Variants in ADAMTS9 observed in about 807,000 individuals in gnomAD.
ADAMTS9 encodes A disintegrin and metalloproteinase with thrombospondin motifs 9.
Under a neutral mutation model 257.1 loss-of-function variants are expected in ADAMTS9, and 107 were observed. That is an observed-to-expected ratio of 0.42 (90% CI 0.36 to 0.49). The LOEUF (loss-of-function observed/expected upper bound fraction) is 0.49, where lower values mean the gene tolerates loss of function less well. Ranked by LOEUF, ADAMTS9 falls within the 20% of genes least tolerant of loss-of-function variation. ADAMTS9 has a pLI of 0.03. For synonymous variants in ADAMTS9, 982 were observed against 880.9 expected, an observed-to-expected ratio of 1.11 and a Z score of -2.03; for missense variants, 2,353 against 2,469.1, an observed-to-expected ratio of 0.95 and a Z score of 1.00.
chr3:64,546,902 G>T lies in ADAMTS9; in HGVS notation c.4920C>A (p.Ser1640Arg). 1 of 1,613,862 alleles carries T rather than the reference G, an allele frequency of 6.2e-7. No individual in the cohort carries two copies. The highest frequency in any genetic ancestry group is 2.2e-5 in the East Asian group (1 of 44,862). ...AATTCTCCTTCCCGGTGTAAATCTC[G>T]CTGCACGAGACAAGCCTTTGTTTGT... ...KGYKQRLVSC[S>R]EIYTGKENYE... Residue 1640 changes from serine (S) to arginine (R), a missense_variant, in exon 32 of 40, where the codon AGC (serine) becomes AGA (arginine). Coordinates refer to ENST00000498707, the MANE Select transcript of ADAMTS9 (RefSeq NM_182920.2).
chr3:64,550,608 C>A, intron 31 of ADAMTS9: 1 of 389,782 alleles, frequency 2.6e-6, no homozygotes, highest in South Asian at 4.5e-5. Context: ...GAGTTTGCAG[C>A]CCCTGTAATA....
chr3:64,660,172 T>C (rs1201233368), intron 3 of ADAMTS9, among the ~76,000 whole-genome samples: 1 of 152,222 alleles, frequency 6.6e-6, no homozygotes, highest in Non-Finnish European at 1.5e-5. Flanking sequence ...GTTTGTGGTC[T>C]AAAATAGGCA....
chr3:64,636,522 A>G (rs1390315313), intron 12 of ADAMTS9, among the ~76,000 whole-genome samples: 1 of 152,250 alleles, frequency 6.6e-6, no homozygotes, highest in Non-Finnish European at 1.5e-5. Flanking sequence ...AAGCACTTGC[A>G]CAAAGTGTGG....
chr3:64,535,852 C>T (rs965539472), intron 37 of ADAMTS9, among the ~76,000 whole-genome samples: 2 of 151,978 alleles, frequency 1.3e-5, no homozygotes, highest in African/African-American at 4.8e-5. Flanking sequence ...ACCCCCTCCC[C>T]CCAAAATTTT....
At chr3:64,604,119 T>C (rs1296192514) in intron 24 of ADAMTS9, 30 bp from the exon 25 acceptor site, 1 of 1,612,640 alleles carries the variant, frequency 6.2e-7, no homozygotes, top group South Asian at 1.1e-5. Flanking sequence ...CATGCAGTTA[T>C]ATTACGTGGA....
chr3:64,607,101 G>A (rs201268959), intron 22 of ADAMTS9, 22 bp from the exon 23 acceptor site: 106 of 1,611,154 alleles, frequency 6.6e-5, no homozygotes, highest in Non-Finnish European at 7.2e-5. Context: ...AGGACAAAAG[G>A]TATATACAAT....
intron 6 of ADAMTS9, 59 bp from the exon 7 acceptor site, chr3:64,654,671 A>T (rs1015660534): frequency 6.3e-7 from 1 of 1,589,112 alleles, no homozygotes; most frequent in African/African-American, 1.3e-5. Flanking sequence ...CAATACAAGT[A>T]AATACTTTAG....
At chr3:64,586,529 A>G (rs1233388184) in intron 28 of ADAMTS9, among the ~76,000 whole-genome samples, 2 of 152,144 alleles carry the variant, frequency 1.3e-5, no homozygotes, top group African/African-American at 4.8e-5. Context: ...ACCATCTGTC[A>G]GATTATAATT....
intron 2 of ADAMTS9, among the ~76,000 whole-genome samples, chr3:64,684,431 T>C (rs1174636083): frequency 6.6e-6 from 1 of 152,116 alleles, no homozygotes; most frequent in Non-Finnish European, 1.5e-5. Flanking sequence ...TAGACTCTGG[T>C]AGACTCTTCA....
rs1281079386 is a variant in ADAMTS9 at position 64,687,402 on chromosome 3, G to A, written c.115+141C>T. 1 of 750,780 alleles carries A rather than the reference G, an allele frequency of 1.3e-6. No individual in the cohort carries two copies. Among genetic ancestry groups the A allele is most frequent in the Non-Finnish European group, 2.1e-6 (1 of 486,026 alleles). The allele number at this position is 750,780 out of a possible 1,614,324, so 46.5% of individuals were successfully genotyped here. On this transcript the variant is annotated intron_variant, in intron 1 of 39. Transcript: ENST00000498707. This position sits in a 1 kb window ranked among gnomAD's most constrained non-coding sequence, Gnocchi z 4.4. The stretch of plus-strand genomic sequence containing the variant: ...AGCAATTGGTTGGGGATGACCCAAA[G>A]AAGGGAGAGGCTGCAAAGCGGGAGA...
intron 39 of ADAMTS9, among the ~76,000 whole-genome samples, chr3:64,520,214 A>C (rs572608052): frequency 6.6e-6 from 1 of 152,170 alleles, no homozygotes; most frequent in Non-Finnish European, 1.5e-5. Context: ...AAAGAATAAA[A>C]TACCTAGGAA....
chr3:64,631,486 G>C lies in ADAMTS9; in HGVS notation c.2358C>G (p.Phe786Leu), dbSNP rs145243531. 25 of 1,614,104 alleles carry C rather than the reference G, an allele frequency of 1.5e-5. No homozygotes were observed. The African/African-American group carries it at 2.9e-4, about 19-fold the overall frequency. Residue 786 changes from phenylalanine to leucine, a missense_variant, in exon 16 of 40, where the codon TTC becomes TTG. Transcript: ENST00000498707. ...AGTTGTCATCGTCTGTTTCCCCTGA[G>C]AAACTGTGCTGCCGCACATCAATAT... ...ATNIDVRQHS[F>L]SGETDDDNYL...
chr3:64,640,542 A>T (rs1700611720), intron 12 of ADAMTS9, among the ~76,000 whole-genome samples: 1 of 152,250 alleles, frequency 6.6e-6, no homozygotes, highest in Non-Finnish European at 1.5e-5. Flanking sequence ...GCTATTAAAA[A>T]TAAATGAGAC....
At chr3:64,646,500 A>G (rs981372723) in intron 11 of ADAMTS9, among the ~76,000 whole-genome samples, 1 of 152,192 alleles carries the variant, frequency 6.6e-6, no homozygotes, top group African/African-American at 2.4e-5. Flanking sequence ...CCTTTAAACC[A>G]ATGAAAGCTC....
At chr3:64,525,035 C>T (rs911714495) in intron 38 of ADAMTS9, among the ~76,000 whole-genome samples, 29 of 152,148 alleles carry the variant, frequency 1.9e-4, no homozygotes, top group Admixed American at 1.4e-3. Context: ...GGTTATCTGC[C>T]GCAAAGCACC....
At chr3:64,662,784 T>C (rs1234238694) in intron 3 of ADAMTS9, among the ~76,000 whole-genome samples, 1 of 152,064 alleles carries the variant, frequency 6.6e-6, no homozygotes, top group Admixed American at 6.6e-5. Flanking sequence ...GTAGTACAAG[T>C]TGGGTATCCC....
Position 64,655,449 on chromosome 3 carries a change from G to C in ADAMTS9, c.1169+127C>G, listed in dbSNP as rs901401173. 6 of 751,050 alleles carry C rather than the reference G, an allele frequency of 8.0e-6. No homozygotes were observed. In the African/African-American group the frequency reaches 1.1e-4, roughly 13 times the overall value. The allele number at this position is 751,050 out of a possible 1,614,324, so 46.5% of individuals were successfully genotyped here. ...TGCAATGCACAGAAGGAATTGTCCA[G>C]CCCAAAATGTCAACAGTGCCTAAGC... is the stretch of plus-strand genomic sequence containing the variant. On this transcript the variant is annotated intron_variant, in intron 6 of 39. Transcript: ENST00000498707.
intron 29 of ADAMTS9, among the ~76,000 whole-genome samples, chr3:64,564,591 C>G (rs531595671): frequency 1.3e-5 from 2 of 151,636 alleles, no homozygotes; most frequent in African/African-American, 4.9e-5. Context: ...ACTGAGGTTT[C>G]TCAATTAAAT....
intron 29 of ADAMTS9, among the ~76,000 whole-genome samples, chr3:64,567,975 A>G (rs904241538): frequency 6.6e-6 from 1 of 152,106 alleles, no homozygotes; most frequent in African/African-American, 2.4e-5. Flanking sequence ...TTCTTCAAGA[A>G]CCTCCAAGAT....
Sources: allele counts gnomAD v4.1 joint callset (sites outside exome capture counted in the v4.1 genomes callset), GRCh38; gene constraint gnomAD v4.1.1; non-coding constraint Gnocchi (gnomAD v3.1); transcripts MANE v1.5; gene names NCBI Gene and HGNC (gene_info 2026-07-23, HGNC 2026-07-21).